The following ZNF280D variants were observed in gnomAD, a reference collection of about 807,000 sequenced individuals.
ZNF280D encodes the protein suppressor of hairy wing homolog 4.
A neutral mutation model predicts 94.7 loss-of-function variants in ZNF280D; 39 were observed. The ratio of observed to expected loss-of-function variants is 0.41; its 90% CI spans 0.32 to 0.54. The LOEUF is 0.54. Among genes scored for constraint, ZNF280D ranks in the 20% least tolerant of loss-of-function variants. The pLI is 0.22. For synonymous variants in ZNF280D, 398 were observed against 377.6 expected (o/e 1.05, Z -0.63); for missense variants, 1,090 against 1,149.3 (o/e 0.95, Z 0.75).
At chr15:56,671,266 A>T (rs754035212) in intron 13 of ZNF280D, among the ~76,000 whole-genome samples, 5 of 152,048 alleles carry the variant, frequency 3.3e-5, no homozygotes, top group Non-Finnish European at 7.4e-5. Flanking sequence ...TATGTCCTGA[A>T]TGGTATTGCC....
intron 19 of ZNF280D, among the ~76,000 whole-genome samples, chr15:56,649,043 T>G (rs1364917000): frequency 6.6e-6 from 1 of 152,016 alleles, no homozygotes; most frequent in Non-Finnish European, 1.5e-5. Context: ...AAGAAAGAAC[T>G]AGGTAAAGAC....
At chr15:56,689,607 T>A in intron 7 of ZNF280D, 137 bp from the exon 8 acceptor site, 1 of 542,874 alleles carries the variant, frequency 1.8e-6, no homozygotes, top group Non-Finnish European at 2.9e-6. Flanking sequence ...TAAAACTTGA[T>A]ATGATCCAAA....
At chr15:56,652,238 A>G (rs760283427) in intron 19 of ZNF280D, among the ~76,000 whole-genome samples, 13 of 152,210 alleles carry the variant, frequency 8.5e-5, no homozygotes, top group African/African-American at 1.2e-4. Context: ...TTAACTGGTC[A>G]TCTAAACCGG....
chr15:56,653,918 A>G (rs1422129441), intron 19 of ZNF280D: 1 of 1,286,600 alleles, frequency 7.8e-7, no homozygotes, highest in East Asian at 3.2e-5. Flanking sequence ...GAAAGCTGAA[A>G]AGAGCTGAAT....
intron 6 of ZNF280D, chr15:56,698,739 C>T (rs938233786): frequency 7.2e-5 from 11 of 152,314 alleles, no homozygotes; most frequent in African/African-American, 2.6e-4. Flanking sequence ...TAAGGACTCA[C>T]TCTCACCTGC....
chr15:56,668,455 G>C (rs1295424139), intron 14 of ZNF280D, among the ~76,000 whole-genome samples: 1 of 151,920 alleles, frequency 6.6e-6, no homozygotes, highest in East Asian at 1.9e-4. Context: ...CAGATGCTGG[G>C]GACACAAAGA....
At chr15:56,661,101 T>G (rs1200467358) in intron 16 of ZNF280D, among the ~76,000 whole-genome samples, 1 of 152,130 alleles carries the variant, frequency 6.6e-6, no homozygotes, top group Non-Finnish European at 1.5e-5. Context: ...ATACAGAGTT[T>G]GTGGTTGCAT....
intron 6 of ZNF280D, chr15:56,699,279 G>A: frequency 3.1e-6 from 2 of 641,858 alleles, no homozygotes; most frequent in Non-Finnish European, 3.9e-6. Flanking sequence ...TAATAGAAAT[G>A]AGATTGGAAA....
intron 6 of ZNF280D, chr15:56,699,306 T>C (rs1268007337): frequency 5.7e-6 from 5 of 876,756 alleles, no homozygotes; most frequent in Non-Finnish European, 6.8e-6. Flanking sequence ...ATGTATATCA[T>C]ACAGGAAAGA....
At chr15:56,656,605 T>C (rs2053569951) in intron 17 of ZNF280D, among the ~76,000 whole-genome samples, 1 of 152,176 alleles carries the variant, frequency 6.6e-6, no homozygotes, top group African/African-American at 2.4e-5. Flanking sequence ...AAAAATTGAA[T>C]GATATTTTCT....
At chr15:56,654,722 C>A (rs2053428861) in intron 17 of ZNF280D, 1 of 589,306 alleles carries the variant, frequency 1.7e-6, no homozygotes, top group Non-Finnish European at 3.2e-6. Context: ...ATTTATTTTA[C>A]ACTTTTACCT....
Position 56,701,296 on chromosome 15 carries a change from T to C in ZNF280D, c.176-58A>G, listed in dbSNP as rs1467817840. On this transcript the variant is annotated intron_variant, in intron 4 of 21. Transcript: ENST00000267807. ...TGTTTGAATGAAATACATATTAAGA[T>C]AATAGAAATCATGAATTGAAAACAT... The C allele has an allele frequency of 3.4e-6, 4 of 1,168,768 alleles. No individual in the cohort carries two copies. In the Admixed American group the frequency reaches 7.2e-5, roughly 21 times the overall value. 72.4% of individuals were successfully genotyped at this position (1,168,768 alleles called of 1,614,324 possible).
intron 16 of ZNF280D, among the ~76,000 whole-genome samples, chr15:56,661,361 A>G (rs1285835281): frequency 6.6e-6 from 1 of 152,196 alleles, no homozygotes; most frequent in African/African-American, 2.4e-5. Context: ...TTTTAGGCCA[A>G]AGAATGACCT....
At chr15:56,721,136 T>A (rs1454509022) in intron 1 of ZNF280D, among the ~76,000 whole-genome samples, 1 of 152,230 alleles carries the variant, frequency 6.6e-6, no homozygotes, top group East Asian at 1.9e-4. Context: ...CTAATTTTTA[T>A]ATTTTTAGTA....
At chr15:56,643,369 A>C (rs2140562644) in intron 19 of ZNF280D, among the ~76,000 whole-genome samples, 1 of 151,864 alleles carries the variant, frequency 6.6e-6, no homozygotes, top group Admixed American at 6.6e-5. Flanking sequence ...TGCTTACATA[A>C]GTAATATGCA....
chr15:56,634,353 A>G (rs1358554100), intron 21 of ZNF280D, among the ~76,000 whole-genome samples: 1 of 152,196 alleles, frequency 6.6e-6, no homozygotes, highest in African/African-American at 2.4e-5. Context: ...TGGACTAACT[A>G]CAATTTACGT....
At chr15:56,682,726 A>G (rs1370645301) in intron 9 of ZNF280D, among the ~76,000 whole-genome samples, 1 of 152,028 alleles carries the variant, frequency 6.6e-6, no homozygotes, top group Non-Finnish European at 1.5e-5. Context: ...AGACATGGCC[A>G]TAGCTCTAAC....
intron 19 of ZNF280D, chr15:56,653,635 C>T (rs1366383133): frequency 8.4e-6 from 12 of 1,420,678 alleles, no homozygotes; most frequent in South Asian, 4.5e-5. Context: ...TGACAGACAA[C>T]GAATGAGAAA....
chr15:56,722,246 ATAATT>A (rs1319836764), intron 1 of ZNF280D, among the ~76,000 whole-genome samples: 3 of 152,222 alleles, frequency 2.0e-5, no homozygotes, highest in Admixed American at 6.5e-5. Context: ...AACAAATATA[ATAATT>A]TAAAGTCTGA....
Sources: gnomAD v4.1 joint callset for allele counts (sites outside exome capture counted in the v4.1 genomes callset) on GRCh38, gnomAD v4.1.1 for gene constraint, MANE v1.5 for transcripts, NCBI Gene and HGNC (gene_info 2026-07-23, HGNC 2026-07-21) for gene names.